TCF4: variants seen among roughly 807,000 people sequenced by gnomAD.
The protein encoded by TCF4 is transcription factor 4.
A neutral mutation model predicts 82.1 loss-of-function variants in TCF4; 3 were observed. That is an observed-to-expected ratio of 0.04 (90% confidence interval 0.02 to 0.09). The LOEUF (loss-of-function observed/expected upper bound fraction) is 0.09, where lower values mean the gene tolerates loss of function less well. Among genes scored for constraint, TCF4 ranks in the 10% least tolerant of loss-of-function variants. TCF4 has a pLI of 1.00. For synonymous variants in TCF4, 276 were observed against 309.6 expected, an observed-to-expected ratio of 0.89 and a Z score of 1.14; for missense variants, 518 against 852.7, an observed-to-expected ratio of 0.61 and a Z score of 4.89.
chr18:55,408,522 TAC>T (rs1407317863), intron 5 of TCF4, among the ~76,000 whole-genome samples: 2 of 152,214 alleles, frequency 1.3e-5, no homozygotes, highest in African/African-American at 4.8e-5. Flanking sequence ...GGTTATTATT[TAC>T]AGTCCTTCAT....
chr18:55,377,699 A>G (rs924272560), intron 6 of TCF4, among the ~76,000 whole-genome samples: 2 of 152,212 alleles, frequency 1.3e-5, no homozygotes, highest in African/African-American at 4.8e-5. Context: ...GGTCTGCCAC[A>G]TCTATCATCC....
chr18:55,476,881 T>C (rs186887681), intron 3 of TCF4, among the ~76,000 whole-genome samples: 24 of 152,346 alleles, frequency 1.6e-4, no homozygotes, highest in African/African-American at 2.4e-5. Context: ...CTGGCAGACA[T>C]TGGCAAAGGT....
At chr18:55,298,957 A>G (rs1393114067) in intron 8 of TCF4, among the ~76,000 whole-genome samples, 1 of 152,184 alleles carries the variant, frequency 6.6e-6, no homozygotes, top group Non-Finnish European at 1.5e-5. Context: ...TCAGACAGAC[A>G]TTTCCCTACA....
intron 3 of TCF4, among the ~76,000 whole-genome samples, chr18:55,538,745 A>C (rs1384563370): frequency 1.3e-5 from 2 of 152,162 alleles, no homozygotes; most frequent in African/African-American, 4.8e-5. Context: ...CAGCAAACAC[A>C]AAGATGAACA....
At chr18:55,376,018 CT>C (rs772990901) in intron 6 of TCF4, among the ~76,000 whole-genome samples, 1,556 of 122,748 alleles carry the variant, frequency 0.013, 23 homozygotes, top group African/African-American at 0.04. Context: ...TTTTCTTCTC[CT>C]TTTTTTTTTT....
chr18:55,249,480 C>A (rs774262346), intron 15 of TCF4, among the ~76,000 whole-genome samples: 5 of 152,118 alleles, frequency 3.3e-5, no homozygotes, highest in Non-Finnish European at 7.4e-5. Flanking sequence ...ACATGACTCC[C>A]CCATCCCTAA....
chr18:55,378,772 G>GA (rs1287791974), intron 6 of TCF4, among the ~76,000 whole-genome samples: 2 of 152,128 alleles, frequency 1.3e-5, no homozygotes, highest in East Asian at 3.9e-4. Flanking sequence ...ATCAGCTCTA[G>GA]AAAAAAGCCA....
intron 2 of TCF4, among the ~76,000 whole-genome samples, chr18:55,605,140 C>T (rs1451852094): frequency 6.6e-6 from 1 of 152,116 alleles, no homozygotes. Context: ...AACCCTGGCA[C>T]CATAACATGG....
intron 8 of TCF4, among the ~76,000 whole-genome samples, chr18:55,339,152 T>C (rs1030860170): frequency 3.9e-5 from 6 of 152,060 alleles, no homozygotes. Context: ...CTAAATAGCA[T>C]TAAACAGATA....
intron 8 of TCF4, among the ~76,000 whole-genome samples, chr18:55,306,290 A>C (rs1240895516): frequency 6.6e-6 from 1 of 152,204 alleles, no homozygotes; most frequent in South Asian, 2.1e-4. Flanking sequence ...TGCCGCCTAC[A>C]GAAGTAAAAA....
intron 2 of TCF4, among the ~76,000 whole-genome samples, chr18:55,630,271 G>A (rs2097730332): frequency 6.6e-6 from 1 of 152,010 alleles, no homozygotes; most frequent in Non-Finnish European, 1.5e-5. Context: ...ATACTACTTA[G>A]GGGCATTATT....
chr18:55,414,904 T>C (rs1340174147), intron 5 of TCF4, among the ~76,000 whole-genome samples: 1 of 152,234 alleles, frequency 6.6e-6, no homozygotes, highest in African/African-American at 2.4e-5. Flanking sequence ...AAACCAAAAA[T>C]GCTTTTATAA....
At chr18:55,585,880 C>T in intron 2 of TCF4, 1 of 1,206,010 alleles carries the variant, frequency 8.3e-7, no homozygotes, top group South Asian at 2.0e-5. Context: ...CTCTCTCACT[C>T]TCACTCTCTC....
intron 3 of TCF4, among the ~76,000 whole-genome samples, chr18:55,575,623 C>T (rs1163717083): frequency 6.6e-6 from 1 of 151,832 alleles, no homozygotes; most frequent in Non-Finnish European, 1.5e-5. Context: ...TTAATAAATT[C>T]TTCCTAAGCC....
intron 3 of TCF4, among the ~76,000 whole-genome samples, chr18:55,524,996 T>C (rs1358741386): frequency 6.6e-6 from 1 of 152,142 alleles, no homozygotes; most frequent in African/African-American, 2.4e-5. Flanking sequence ...CCATCCTAGG[T>C]CTTCCTCCAT....
chr18:55,627,018 A>G (rs1050087283), intron 2 of TCF4, among the ~76,000 whole-genome samples: 1 of 152,230 alleles, frequency 6.6e-6, no homozygotes, highest in Non-Finnish European at 1.5e-5. Context: ...GCCAATGTTC[A>G]GCTAATCGAT....
intron 2 of TCF4, among the ~76,000 whole-genome samples, chr18:55,612,393 C>T (rs779046209): frequency 6.6e-6 from 1 of 151,978 alleles, no homozygotes; most frequent in Non-Finnish European, 1.5e-5. Flanking sequence ...TAAGGAATTC[C>T]ATATCGTGTT....
At chr18:55,582,911 G>C (rs1336205852) in intron 3 of TCF4, among the ~76,000 whole-genome samples, 1 of 152,098 alleles carries the variant, frequency 6.6e-6, no homozygotes. Flanking sequence ...AAGTTTCCTA[G>C]TTGATCCTTC....
At chr18:55,568,604 A>T (rs971969199) in intron 3 of TCF4, among the ~76,000 whole-genome samples, 6 of 151,992 alleles carry the variant, frequency 3.9e-5, no homozygotes, top group Admixed American at 2.0e-4. Context: ...ATATTATTAT[A>T]TTTAAAAATT....
Sources: allele counts gnomAD v4.1 joint callset (sites outside exome capture counted in the v4.1 genomes callset), GRCh38; gene constraint gnomAD v4.1.1; transcripts MANE v1.5; gene names NCBI Gene and HGNC (gene_info 2026-07-23, HGNC 2026-07-21).